HOATZ: variants seen among roughly 807,000 people sequenced by gnomAD.
The protein encoded by HOATZ is cilia- and flagella-associated protein HOATZ.
Under a neutral mutation model 24.9 loss-of-function variants are expected in HOATZ, and 26 were observed. The observed-to-expected ratio is 1.04, with a 90% confidence interval of 0.76 to 1.45. The LOEUF is 1.45. Among genes scored for constraint, HOATZ ranks in the 40% most tolerant of loss-of-function variants. The pLI is 0.00. For synonymous variants in HOATZ, 83 were observed against 76.6 expected (o/e 1.08, Z -0.43); for missense variants, 226 against 201.5 (o/e 1.12, Z -0.74).
rs779838151 is a variant in HOATZ at position 111,531,652 on chromosome 11, T to C, written c.340-2094T>C. Reference sequence around the variant, plus strand: ...AGTTTTCAAATGTACTCTGAATTATTTTCTTTCAGTAACTGTGATATATGA... The same window carrying C: ...AGTTTTCAAATGTACTCTGAATTATCTTCTTTCAGTAACTGTGATATATGA... On this transcript the variant is annotated intron_variant, in intron 3 of 5. Transcript: ENST00000375618. 2.0e-5 allele frequency among the ~76,000 whole-genome samples: 3 copies of C among 152,240 alleles called. No individual in the cohort carries two copies. The South Asian group carries it at 6.2e-4, about 31-fold the overall frequency.
At chr11:111,515,716 A>G (rs1156514532) in intron 2 of HOATZ, among the ~76,000 whole-genome samples, 164 bp downstream of exon 2, 1 of 152,208 alleles carries the variant, frequency 6.6e-6, no homozygotes. Context: ...ACAATGCCTA[A>G]ATTCCTTTAA....
chr11:111,533,777 T>A lies in HOATZ; in HGVS notation c.371T>A (p.Leu124Ter). The change falls in exon 4 of 6, where the codon TTA (leucine) becomes TAA (stop). Residue 124 changes from leucine to a stop codon, truncating the protein, a stop_gained. Transcript: ENST00000375618. LOFTEE classifies it high-confidence loss of function. ...AKTREEILQL[L>*]RKQREERISK... ...ACAAGAGAAGAGATTCTCCAACTCT[T>A]AAGAAAACAAAGAGAAGAAAGGATC... The A allele has an allele frequency of 6.4e-7, 1 of 1,573,664 alleles. No individual in the cohort carries two copies. Among genetic ancestry groups the A allele is most frequent in the East Asian group, 2.3e-5 (1 of 43,356 alleles).
rs370355628 is a variant in HOATZ, at chr11:111,532,152, G to A, written c.340-1594G>A. ...GTCCTTGATCTTCAGTTCGTTCATC[G>A]TACCCTATATTAACCCCACATAGCA... On this transcript the variant is annotated intron_variant, in intron 3 of 5. Transcript: ENST00000375618. 3.3e-5 allele frequency among the ~76,000 whole-genome samples: 5 copies of A among 152,038 alleles called. No homozygotes were observed. The South Asian group carries it at 8.3e-4, about 25-fold the overall frequency.
intron 3 of HOATZ, among the ~76,000 whole-genome samples, chr11:111,527,368 G>T (rs956481534): frequency 6.6e-6 from 1 of 152,002 alleles, no homozygotes; most frequent in African/African-American, 2.4e-5. Flanking sequence ...ATTTTAGTAA[G>T]TTGTTATTTT....
chr11:111,525,035 C>T (rs1054261368), intron 3 of HOATZ: 7 of 325,452 alleles, frequency 2.2e-5, no homozygotes, highest in African/African-American at 1.6e-4. Flanking sequence ...CATCCAGCTA[C>T]ATTTTTTGTA....
chr11:111,522,857 G>A (rs1276746655), intron 3 of HOATZ, among the ~76,000 whole-genome samples: 2 of 152,120 alleles, frequency 1.3e-5, no homozygotes, highest in East Asian at 1.9e-4. Flanking sequence ...AGGCCAAGGC[G>A]GGCAGATCAC....
intron 3 of HOATZ, among the ~76,000 whole-genome samples, chr11:111,523,909 G>A (rs961605572): frequency 3.9e-4 from 60 of 152,168 alleles, no homozygotes; most frequent in African/African-American, 1.4e-3. Flanking sequence ...TAGGACCCTG[G>A]GCATCCCCCT....
At chr11:111,515,066 C>A in intron 1 of HOATZ, 56 bp downstream of exon 1, 1 of 1,296,758 alleles carries the variant, frequency 7.7e-7, no homozygotes, top group Non-Finnish European at 1.1e-6. Flanking sequence ...AACTGGCCTG[C>A]AGGTACCAGA....
intron 3 of HOATZ, among the ~76,000 whole-genome samples, chr11:111,532,201 T>C (rs1004429477): frequency 6.6e-6 from 1 of 152,178 alleles, no homozygotes; most frequent in Non-Finnish European, 1.5e-5. Flanking sequence ...TGTCTTCTGC[T>C]ACATAAGTCT....
intron 3 of HOATZ, among the ~76,000 whole-genome samples, chr11:111,533,294 C>CTTA (rs1182424289): frequency 7.9e-5 from 12 of 152,282 alleles, no homozygotes; most frequent in African/African-American, 2.9e-4. Context: ...GTTATTTAAC[C>CTTA]TTACTAAGCT....
intron 2 of HOATZ, 90 bp from the exon 3 acceptor site, chr11:111,515,950 C>A: frequency 1.2e-6 from 1 of 840,980 alleles, no homozygotes; most frequent in Non-Finnish European, 1.9e-6. Flanking sequence ...TCTATGTATT[C>A]CCTTTCAACC....
chr11:111,534,057 A>G (rs1867422312), intron 4 of HOATZ, among the ~76,000 whole-genome samples: 3 of 152,376 alleles, frequency 2.0e-5, no homozygotes, highest in Middle Eastern at 6.8e-3. Context: ...TACTGTTCAC[A>G]TATTATAAAG....
intron 3 of HOATZ, among the ~76,000 whole-genome samples, chr11:111,521,906 T>A (rs568168616): frequency 3.9e-4 from 59 of 152,270 alleles, no homozygotes; most frequent in African/African-American, 1.4e-3. Flanking sequence ...GTCTGTAAAA[T>A]CATAATTGGG....
intron 3 of HOATZ, among the ~76,000 whole-genome samples, chr11:111,521,484 C>T (rs1012390420): frequency 7.9e-5 from 12 of 152,098 alleles, no homozygotes; most frequent in Non-Finnish European, 1.5e-4. Context: ...GATTGGCTTC[C>T]GAGACAAACC....
At chr11:111,527,160 GT>G (rs1255932475) in intron 3 of HOATZ, among the ~76,000 whole-genome samples, 1 of 152,120 alleles carries the variant, frequency 6.6e-6, no homozygotes, top group Admixed American at 6.6e-5. Context: ...TGCATTTTGT[GT>G]GTGCATGCAT....
chr11:111,531,647 A>G (rs544020753), intron 3 of HOATZ, among the ~76,000 whole-genome samples: 30 of 152,356 alleles, frequency 2.0e-4, no homozygotes, highest in Admixed American at 1.9e-3. Flanking sequence ...TGTACTCTGA[A>G]TTATTTTCTT....
intron 3 of HOATZ, chr11:111,524,749 G>T (rs1867314411): frequency 2.7e-6 from 1 of 366,568 alleles, no homozygotes; most frequent in Admixed American, 3.5e-5. Flanking sequence ...TGATTATTTT[G>T]ACTTTCTTGG....
rs1244502485 is a variant in HOATZ at position 111,514,901 on chromosome 11, G to A, written c.117G>A (p.Gln39=). ...SSEQDANLAK[Q]FWISASMYPP... ...AACAAGATGCCAACTTGGCTAAGCA[G>A]TTCTGGATCTCGGCGTCGATGTATC... The change falls in exon 1 of 6, where the codon CAG becomes CAA. Residue 39 remains glutamine (Q), a synonymous_variant. Coordinates refer to ENST00000375618, the MANE Select transcript of HOATZ (RefSeq NM_001100388.2). 2 of 1,614,194 alleles carry A rather than the reference G, an allele frequency of 1.2e-6. No homozygotes were observed. Among genetic ancestry groups the A allele is most frequent in the Admixed American group, 1.7e-5 (1 of 60,016 alleles).
chr11:111,524,281 A>C (rs903140387), intron 3 of HOATZ, among the ~76,000 whole-genome samples: 2 of 152,236 alleles, frequency 1.3e-5, no homozygotes, highest in Non-Finnish European at 2.9e-5. Context: ...GAGTGGAAGT[A>C]CATTTTGCTC....
Sources: gnomAD v4.1 joint callset for allele counts (sites outside exome capture counted in the v4.1 genomes callset) on GRCh38, gnomAD v4.1.1 for gene constraint, MANE v1.5 for transcripts, NCBI Gene and HGNC (gene_info 2026-07-23, HGNC 2026-07-21) for gene names.